Variants in DLEC1 observed in about 807,000 individuals in gnomAD.
DLEC1 encodes deleted in lung and esophageal cancer protein 1.
DLEC1 carries 146 observed loss-of-function variants against 198.1 expected under a neutral mutation model. That is an observed-to-expected ratio of 0.74 (90% CI 0.64 to 0.85). The LOEUF is 0.85. Ranked by LOEUF, DLEC1 falls within the 40% of genes least tolerant of loss-of-function variation. The probability of loss-of-function intolerance (pLI) is 0.00; values close to 1 mark genes in which losing one functional copy is unlikely to be tolerated. For synonymous variants in DLEC1, 897 were observed against 866.8 expected, an observed-to-expected ratio of 1.03 and a Z score of -0.61; for missense variants, 2,233 against 2,220.0, an observed-to-expected ratio of 1.01 and a Z score of -0.12.
Position 38,122,494 on chromosome 3 carries a change from A to G in DLEC1, c.*82A>G. 1 of 1,613,098 alleles carries G rather than the reference A, an allele frequency of 6.2e-7. No homozygotes were observed. The highest frequency in any genetic ancestry group is 8.5e-7 in the Non-Finnish European group (1 of 1,179,756). On this transcript the variant is annotated 3_prime_UTR_variant, in exon 37 of 37. Transcript: ENST00000308059. The stretch of plus-strand genomic sequence containing the variant: ...GATTAGGAGCAGCTCTTCAGCACAA[A>G]GACACAGACTTGGGGACCTGGGGAC...
In DLEC1 at chr3:38,088,367, G is replaced by A. The variant is rs201764306; in HGVS notation, c.1644G>A (p.Pro548=). Residue 548 remains proline (P), a synonymous_variant, in exon 10 of 37, where the codon CCG becomes CCA. Transcript: ENST00000308059. ...GILPSVFELA[P]GHAILVEVLF... ...TGCCTTCGGTGTTTGAGCTGGCCCC[G>A]GGACATGCTATATTAGTGGAGGTAG... 2.8e-4 allele frequency: 447 copies of A among 1,613,776 alleles called. 3 individuals carry two copies. The South Asian group carries it at 2.9e-3, about 10-fold the overall frequency.
intron 6 of DLEC1, among the ~76,000 whole-genome samples, chr3:38,075,974 G>T (rs929090504): frequency 6.6e-6 from 1 of 152,214 alleles, no homozygotes; most frequent in Non-Finnish European, 1.5e-5. Context: ...CCTCTGAAAC[G>T]TGGGTGAATA....
intron 6 of DLEC1, among the ~76,000 whole-genome samples, chr3:38,076,514 C>G (rs1478599403): frequency 4.6e-5 from 7 of 151,954 alleles, no homozygotes; most frequent in South Asian, 2.1e-4. Context: ...AGTGGGGGAG[C>G]TTTTTGAGCC....
intron 33 of DLEC1, among the ~76,000 whole-genome samples, chr3:38,119,415 CT>C (rs1700342245): frequency 6.6e-6 from 1 of 152,172 alleles, no homozygotes; most frequent in Non-Finnish European, 1.5e-5. Flanking sequence ...CTAGACCCAT[CT>C]CTGACCAAGC....
intron 2 of DLEC1, among the ~76,000 whole-genome samples, chr3:38,049,653 G>A (rs1276530907): frequency 2.6e-5 from 4 of 152,198 alleles, no homozygotes; most frequent in African/African-American, 9.7e-5. Context: ...CCAAGGCTCG[G>A]GGTACATGCC....
intron 23 of DLEC1, among the ~76,000 whole-genome samples, 200 bp from the exon 24 acceptor site, chr3:38,111,477 G>C (rs930159558): frequency 1.3e-5 from 2 of 152,192 alleles, no homozygotes; most frequent in Non-Finnish European, 2.9e-5. Context: ...GGGGATGTTT[G>C]AATGGTAGGG....
At chr3:38,062,508 G>A in intron 4 of DLEC1, 73 bp from the exon 5 acceptor site, 1 of 1,584,726 alleles carries the variant, frequency 6.3e-7, no homozygotes, top group Non-Finnish European at 8.6e-7. Context: ...TATGGGTCAT[G>A]CAGTTGGTCA....
intron 6 of DLEC1, among the ~76,000 whole-genome samples, chr3:38,073,889 G>A (rs2125639957): frequency 6.6e-6 from 1 of 152,330 alleles, no homozygotes; most frequent in East Asian, 1.9e-4. Flanking sequence ...TGATGGTCTA[G>A]GGGGATTCTG....
At chr3:38,059,135 G>T (rs1696540502) in intron 2 of DLEC1, among the ~76,000 whole-genome samples, 1 of 152,146 alleles carries the variant, frequency 6.6e-6, no homozygotes, top group South Asian at 2.1e-4. Context: ...GGCCGAGCTG[G>T]CTGGGCTTGG....
intron 5 of DLEC1, among the ~76,000 whole-genome samples, chr3:38,063,380 C>T (rs1180814893): frequency 6.6e-6 from 1 of 152,116 alleles, no homozygotes; most frequent in African/African-American, 2.4e-5. Context: ...GAAGGATCAC[C>T]TGAGCACAGG....
intron 6 of DLEC1, among the ~76,000 whole-genome samples, chr3:38,077,200 G>A (rs896940913): frequency 1.3e-5 from 2 of 152,188 alleles, no homozygotes; most frequent in Non-Finnish European, 2.9e-5. Flanking sequence ...CAGCTGTGAT[G>A]GCTTGGAGAA....
chr3:38,083,043 T>G (rs571004968), intron 6 of DLEC1, among the ~76,000 whole-genome samples: 1 of 151,234 alleles, frequency 6.6e-6, no homozygotes, highest in East Asian at 1.9e-4. Flanking sequence ...GGCACCAAGA[T>G]TGAAAGGAGA....
intron 7 of DLEC1, 92 bp from the exon 8 acceptor site, chr3:38,085,181 GC>G: frequency 7.0e-7 from 1 of 1,422,144 alleles, no homozygotes; most frequent in Non-Finnish European, 9.8e-7. Context: ...TACAGAGCCA[GC>G]CCTGGCAGGG....
At chr3:38,078,606 G>T (rs1239363034) in intron 6 of DLEC1, among the ~76,000 whole-genome samples, 1 of 152,168 alleles carries the variant, frequency 6.6e-6, no homozygotes, top group Non-Finnish European at 1.5e-5. Context: ...ACGAAATTTG[G>T]GCTTGACTGA....
intron 6 of DLEC1, among the ~76,000 whole-genome samples, chr3:38,072,677 G>C (rs1679081264): frequency 2.6e-5 from 4 of 152,198 alleles, no homozygotes; most frequent in Admixed American, 2.6e-4. Context: ...GTATCTAAAG[G>C]CGAAAATATC....
At chr3:38,061,323 C>T (rs1027237822) in intron 3 of DLEC1, among the ~76,000 whole-genome samples, 4 of 152,236 alleles carry the variant, frequency 2.6e-5, no homozygotes, top group South Asian at 2.1e-4. Flanking sequence ...GGATTAAAGG[C>T]GCCTGCCATC....
chr3:38,086,858 T>C (rs1454086745), intron 9 of DLEC1, among the ~76,000 whole-genome samples: 1 of 152,090 alleles, frequency 6.6e-6, no homozygotes, highest in Non-Finnish European at 1.5e-5. Flanking sequence ...GCAGATTACC[T>C]GAGGTCAGGG....
rs1575378683 is a variant in DLEC1 at position 38,045,596 on chromosome 3, T to C, written c.465T>C (p.His155=). 6.2e-7 allele frequency: 1 copy of C among 1,614,112 alleles called. No individual in the cohort carries two copies. The highest frequency in any genetic ancestry group is 8.5e-7 in the Non-Finnish European group (1 of 1,180,002). The part of the protein sequence containing the change: ...RLDEFEMLER[H]ITQAQARAIA... ...ATGAGTTTGAAATGTTGGAGAGACA[T>C]ATCACTCAGGCCCAAGCACGGGCTA... is the stretch of plus-strand genomic sequence containing the variant. Residue 155 remains histidine, a synonymous_variant, in exon 2 of 37, where the codon CAT becomes CAC. Transcript: ENST00000308059.
In DLEC1 at chr3:38,117,895, C is replaced by G. The variant is rs747896145; in HGVS notation, c.4575C>G (p.Pro1525=). The G allele has an allele frequency of 6.2e-7, 1 of 1,614,174 alleles. No homozygotes were observed. Among genetic ancestry groups the G allele is most frequent in the Admixed American group, 1.7e-5 (1 of 60,028 alleles). The change falls in exon 33 of 37, where the codon CCC becomes CCG. Residue 1525 remains proline, a synonymous_variant. Coordinates refer to ENST00000308059, the MANE Select transcript of DLEC1 (RefSeq NM_007335.4). ...ACTTCCGGCTTATGGTCTCCAGGCCCTTCTCCGTTTCTCAAGATGGGGCGA... is the reference window on the plus strand; with the variant it reads ...ACTTCCGGCTTATGGTCTCCAGGCCGTTCTCCGTTTCTCAAGATGGGGCGA... ...PHYFRLMVSR[P]FSVSQDGASQ... is the part of the protein sequence containing the mutation.
Sources: allele counts gnomAD v4.1 joint callset (sites outside exome capture counted in the v4.1 genomes callset), GRCh38; gene constraint gnomAD v4.1.1; transcripts MANE v1.5; gene names NCBI Gene and HGNC (gene_info 2026-07-23, HGNC 2026-07-21).